CD160: variants seen among roughly 807,000 people sequenced by gnomAD.
CD160 encodes CD160 molecule.
A neutral mutation model predicts 19.2 loss-of-function variants in CD160; 11 were observed. The observed-to-expected ratio is 0.57, with a 90% CI of 0.36 to 0.95. The LOEUF is 0.95. Ranked by LOEUF, CD160 falls within the 40% of genes least tolerant of loss-of-function variation. The pLI is 0.01. For synonymous variants in CD160, 75 were observed against 81.1 expected, an observed-to-expected ratio of 0.93 and a Z score of 0.40; for missense variants, 182 against 213.2, an observed-to-expected ratio of 0.85 and a Z score of 0.91.
At chr1:145,721,557 G>C (rs1192203399) in intron 1 of CD160, among the ~76,000 whole-genome samples, 1 of 152,068 alleles carries the variant, frequency 6.6e-6, no homozygotes, top group Non-Finnish European at 1.5e-5. Flanking sequence ...GTGACCAGCT[G>C]CATCAGCCCC....
chr1:145,728,807 G>A (rs1657166602), intron 3 of CD160, among the ~76,000 whole-genome samples: 2 of 152,092 alleles, frequency 1.3e-5, no homozygotes, highest in African/African-American at 4.8e-5. Context: ...AGAATATATT[G>A]TCTTTTTCTT....
At chr1:145,727,065 T>A (rs1182277325) in intron 2 of CD160, among the ~76,000 whole-genome samples, 1 of 152,084 alleles carries the variant, frequency 6.6e-6, no homozygotes, top group African/African-American at 2.4e-5. Context: ...TATAGAAAAA[T>A]TCTTGTTTTC....
chr1:145,726,094 G>T (rs1236734920), intron 2 of CD160, among the ~76,000 whole-genome samples: 1 of 152,166 alleles, frequency 6.6e-6, no homozygotes, highest in Non-Finnish European at 1.5e-5. Context: ...AACAGATGCT[G>T]GAGAAGATGT....
Position 145,731,033 on chromosome 1 carries a change from C to A in CD160, c.363C>A (p.Ile121=). The change falls in exon 4 of 6, where the codon ATC becomes ATA. Residue 121 remains isoleucine (I), a synonymous_variant. Coordinates refer to ENST00000369288, the MANE Select transcript of CD160 (RefSeq NM_007053.4). ...GTGCCAGAAGCCAGAAGTCAGGTAT[C>A]CGCCTTCAGGGCCATTTTTTCTCCA... The part of the protein sequence containing the change: ...QCCARSQKSG[I]RLQGHFFSIL... 6.2e-7 allele frequency: 1 copy of A among 1,614,136 alleles called. No homozygotes were observed. Among genetic ancestry groups the A allele is most frequent in the African/African-American group, 1.3e-5 (1 of 75,040 alleles).
At chr1:145,725,096 A>G (rs1305039177) in intron 2 of CD160, among the ~76,000 whole-genome samples, 190 bp downstream of exon 2, 1 of 151,784 alleles carries the variant, frequency 6.6e-6, no homozygotes, top group African/African-American at 2.4e-5. Flanking sequence ...ATATAATATT[A>G]TAAAACAGAA....
intron 3 of CD160, among the ~76,000 whole-genome samples, chr1:145,730,420 C>G (rs1280800339): frequency 2.6e-5 from 4 of 152,192 alleles, no homozygotes; most frequent in African/African-American, 9.7e-5. Context: ...ATAGCCCCAG[C>G]AGGGCTTGGC....
chr1:145,726,128 C>T (rs1553708350), intron 2 of CD160, among the ~76,000 whole-genome samples: 1 of 152,152 alleles, frequency 6.6e-6, no homozygotes, highest in African/African-American at 2.4e-5. Flanking sequence ...TGCTTTTACA[C>T]TGTTGATGGG....
At chr1:145,732,057 A>G (rs1156253514) in intron 4 of CD160, among the ~76,000 whole-genome samples, 10 of 152,178 alleles carry the variant, frequency 6.6e-5, no homozygotes, top group Non-Finnish European at 1.5e-4. Flanking sequence ...TATCCTAAAT[A>G]TGGCCACTCC....
At chr1:145,729,049 C>A (rs1421947691) in intron 3 of CD160, among the ~76,000 whole-genome samples, 5 of 152,130 alleles carry the variant, frequency 3.3e-5, no homozygotes, top group African/African-American at 1.2e-4. Flanking sequence ...AAGAGTAATA[C>A]CTGCCCTCTA....
intron 1 of CD160, among the ~76,000 whole-genome samples, chr1:145,724,474 A>G (rs1656976400): frequency 6.6e-6 from 1 of 152,162 alleles, no homozygotes; most frequent in South Asian, 2.1e-4. Flanking sequence ...TATTAATAGA[A>G]ATTATCCCAT....
chr1:145,720,245 C>T (rs1018559298), intron 1 of CD160, among the ~76,000 whole-genome samples: 8 of 152,226 alleles, frequency 5.3e-5, no homozygotes, highest in Non-Finnish European at 1.2e-4. Context: ...TACTGCTCTA[C>T]CACACATTCT....
chr1:145,724,064 A>G (rs1472857639), intron 1 of CD160, among the ~76,000 whole-genome samples: 4 of 152,216 alleles, frequency 2.6e-5, no homozygotes, highest in African/African-American at 9.7e-5. Context: ...AGTTCTACCT[A>G]GAGTGAATGA....
intron 2 of CD160, among the ~76,000 whole-genome samples, chr1:145,727,035 A>G (rs1657076772): frequency 6.6e-6 from 1 of 152,178 alleles, no homozygotes; most frequent in African/African-American, 2.4e-5. Flanking sequence ...AGCTGATTAT[A>G]AAAATCAGAA....
rs1657274128 is a variant in CD160, at chr1:145,731,061, C to T, written c.391C>T (p.Leu131=). The change falls in exon 4 of 6, where the codon CTA becomes TTA. Residue 131 remains leucine, a synonymous_variant. Coordinates refer to ENST00000369288, the MANE Select transcript of CD160 (RefSeq NM_007053.4). The part of the protein sequence containing the change: ...IRLQGHFFSI[L]FTETGNYTVT... ...CCTTCAGGGCCATTTTTTCTCCATTCTATTCACAGGTGAGTGCTCAAATAC... is the reference window on the plus strand; with the variant it reads ...CCTTCAGGGCCATTTTTTCTCCATTTTATTCACAGGTGAGTGCTCAAATAC... 6.2e-7 allele frequency: 1 copy of T among 1,613,526 alleles called. No homozygotes were observed. The highest frequency in any genetic ancestry group is 1.3e-5 in the African/African-American group (1 of 75,014).
At chr1:145,728,015 A>G (rs1324566214) in intron 2 of CD160, among the ~76,000 whole-genome samples, 1 of 152,164 alleles carries the variant, frequency 6.6e-6, no homozygotes, top group Non-Finnish European at 1.5e-5. Flanking sequence ...CAGCAATCCA[A>G]TTTAACTTAA....
chr1:145,728,512 T>C lies in CD160; in HGVS notation c.73+112T>C, dbSNP rs1038888976. ...GGAAACAAAGGACTCTTTTTTTTTT[T>C]TTTTTTTTTTTGAGGGAGTCTCGCT... On this transcript the variant is annotated intron_variant, in intron 3 of 5. Coordinates refer to ENST00000369288, the MANE Select transcript of CD160 (RefSeq NM_007053.4). 29 of 677,122 alleles carry C rather than the reference T, an allele frequency of 4.3e-5. No individual in the cohort carries two copies. The African/African-American group carries it at 5.2e-4, about 12-fold the overall frequency. 41.9% of individuals were successfully genotyped at this position (677,122 alleles called of 1,614,324 possible).
intron 3 of CD160, among the ~76,000 whole-genome samples, chr1:145,730,476 C>T (rs1657243830): frequency 6.6e-6 from 1 of 152,134 alleles, no homozygotes; most frequent in Non-Finnish European, 1.5e-5. Flanking sequence ...AACAAATAAA[C>T]CTATGAATTA....
At chr1:145,720,564 C>G (rs1422576602) in intron 1 of CD160, among the ~76,000 whole-genome samples, 2 of 152,138 alleles carry the variant, frequency 1.3e-5, no homozygotes, top group Non-Finnish European at 2.9e-5. Context: ...TGAGATCTTT[C>G]TGGGCATCTT....
chr1:145,723,143 A>G (rs1475133900), intron 1 of CD160, among the ~76,000 whole-genome samples: 1 of 152,196 alleles, frequency 6.6e-6, no homozygotes, highest in African/African-American at 2.4e-5. Flanking sequence ...AGGAGAGGTC[A>G]AGGCTAGGAA....
Sources: gnomAD v4.1 joint callset for allele counts (sites outside exome capture counted in the v4.1 genomes callset) on GRCh38, gnomAD v4.1.1 for gene constraint, MANE v1.5 for transcripts, NCBI Gene and HGNC (gene_info 2026-07-23, HGNC 2026-07-21) for gene names.